Variants in JCAD observed in about 807,000 individuals in gnomAD.
JCAD encodes junctional cadherin 5 associated.
In JCAD, 40 loss-of-function variants were observed where a neutral mutation model predicts 98.0. That is an observed-to-expected ratio of 0.41 (90% CI 0.32 to 0.53). The LOEUF (loss-of-function observed/expected upper bound fraction) is 0.53. JCAD is among the 20% of genes least tolerant of loss of function. The pLI is 0.31. For synonymous variants in JCAD, 691 were observed against 682.3 expected, an observed-to-expected ratio of 1.01 and a Z score of -0.20; for missense variants, 1,705 against 1,738.1, an observed-to-expected ratio of 0.98 and a Z score of 0.34.
At chr10:30,081,066 C>T (rs1838075536) in intron 1 of JCAD, among the ~76,000 whole-genome samples, 1 of 152,120 alleles carries the variant, frequency 6.6e-6, no homozygotes, top group African/African-American at 2.4e-5. Context: ...TTTTCTCTGC[C>T]CCAAATCTCC....
rs1210377632 is a variant in JCAD, at chr10:30,029,769, T to TCTGGCTC, written c.372_378dup (p.Lys127GlufsTer77). 1 of 1,614,162 alleles carries TCTGGCTC rather than the reference T, an allele frequency of 6.2e-7. No individual in the cohort carries two copies. The highest frequency in any genetic ancestry group is 8.5e-7 in the Non-Finnish European group (1 of 1,180,064). On this transcript the variant is annotated frameshift_variant, in exon 3 of 4. Coordinates refer to ENST00000375377, the MANE Select transcript of JCAD (RefSeq NM_020848.4). LOFTEE classifies it high-confidence loss of function. ...TCCAGGTTTTCGTGCTCCCTCGGCT[T>TCTGGCTC]CTGGCTCCTGGCTTCTTGCCGTCCT...
intron 2 of JCAD, among the ~76,000 whole-genome samples, chr10:30,039,411 G>A (rs888355624): frequency 8.5e-5 from 13 of 152,234 alleles, no homozygotes; most frequent in African/African-American, 2.7e-4. Flanking sequence ...CAGCTGGACC[G>A]GCCTCGGCTT....
chr10:30,019,357 C>CAAAAAAA (rs58164754), intron 3 of JCAD, among the ~76,000 whole-genome samples: 63 of 100,220 alleles, frequency 6.3e-4, no homozygotes, highest in African/African-American at 8.5e-4. Flanking sequence ...AACTCTGTCT[C>CAAAAAAA]AAAAAAAAAA....
rs1186668957 is a variant in JCAD at position 30,016,559 on chromosome 10, T to C, written c.*1324A>G. The C allele has an allele frequency of 6.6e-6, 1 of 152,100 alleles. No homozygotes were observed. The highest frequency in any genetic ancestry group is 2.4e-5 in the African/African-American group (1 of 41,418). 9.4% of individuals were successfully genotyped at this position (152,100 alleles called of 1,614,324 possible). A position where few individuals can be genotyped will look rare whatever the true frequency, so the allele number is the denominator to read the frequency against. ...TAGAATACATAGGCCTCATAATGCT[T>C]TTGTAATGGCATATATATAATGTCC... On this transcript the variant is annotated 3_prime_UTR_variant, in exon 4 of 4. Transcript: ENST00000375377.
intron 1 of JCAD, among the ~76,000 whole-genome samples, chr10:30,097,390 A>T (rs1395208536): frequency 6.6e-6 from 1 of 152,152 alleles, no homozygotes; most frequent in Non-Finnish European, 1.5e-5. Flanking sequence ...TCTAAAGCTC[A>T]AAGGAAGCCA....
intron 1 of JCAD, among the ~76,000 whole-genome samples, chr10:30,102,714 T>C (rs1838492588): frequency 6.6e-6 from 1 of 152,238 alleles, no homozygotes; most frequent in South Asian, 2.1e-4. Flanking sequence ...GCCTGGCTTA[T>C]TGTATTAGTT....
chr10:30,114,515 A>G (rs2275714), intron 1 of JCAD, among the ~76,000 whole-genome samples: 237 of 151,828 alleles, frequency 1.6e-3, no homozygotes, highest in African/African-American at 5.6e-3. Flanking sequence ...TCCAGCCACA[A>G]TGAGATATAT....
At chr10:30,086,522 T>A (rs2132689594) in intron 1 of JCAD, among the ~76,000 whole-genome samples, 1 of 152,366 alleles carries the variant, frequency 6.6e-6, no homozygotes, top group South Asian at 2.1e-4. Flanking sequence ...TCTTCAGCAG[T>A]GAATTCAGCA....
rs1360862738 is a variant in JCAD, at chr10:30,092,122, ATAT to A, written n.129-22304_129-22302del. ...TTTATATATATATATATATATATAT[ATAT>A]AAAAAACATTTTAACTCTTTGCAAG... is the stretch of plus-strand genomic sequence containing the variant. On this transcript the variant is annotated intron_variant and non_coding_transcript_variant, in intron 1 of 2. Coordinates refer to the JCAD transcript ENST00000465712. 2.6e-5 allele frequency among the ~76,000 whole-genome samples: 3 copies of A among 114,792 alleles called. No individual in the cohort carries two copies. The East Asian group carries it at 7.3e-4, about 28-fold the overall frequency. The allele number at this position is 114,792 out of a possible 152,430, so 75.3% of individuals were successfully genotyped here.
At chr10:30,103,846 C>G (rs1838514656) in intron 1 of JCAD, among the ~76,000 whole-genome samples, 1 of 151,850 alleles carries the variant, frequency 6.6e-6, no homozygotes, top group Non-Finnish European at 1.5e-5. Context: ...ATTCTCCTAC[C>G]TCAGCCTCCC....
rs533396882 is a variant in JCAD at position 30,085,064 on chromosome 10, G to T, written n.129-15243C>A. Among the ~76,000 whole-genome samples the T allele has an allele frequency of 1.1e-4, 17 of 152,274 alleles. No individual in the cohort carries two copies. The South Asian group carries it at 2.7e-3, about 24-fold the overall frequency. ...AACAATCCTGATATGAGAGCAGTAG[G>T]TATCCTGATATTCATCAGTTTCTTT... On this transcript the variant is annotated intron_variant and non_coding_transcript_variant, in intron 1 of 2. Transcript: ENST00000465712.
chr10:30,079,184 T>G (rs1046126072), intron 1 of JCAD, among the ~76,000 whole-genome samples: 4 of 151,738 alleles, frequency 2.6e-5, no homozygotes, highest in Non-Finnish European at 5.9e-5. Flanking sequence ...CCGTCCCTAC[T>G]AAAAATACAA....
chr10:30,025,930 AT>A (rs1836781946), intron 3 of JCAD, 172 bp downstream of exon 3: 1 of 741,728 alleles, frequency 1.3e-6, no homozygotes, highest in Admixed American at 2.8e-5. Flanking sequence ...AATTTTAAAG[AT>A]GGCTTCTGGA....
intron 2 of JCAD, among the ~76,000 whole-genome samples, chr10:30,039,744 G>A (rs1422549342): frequency 6.6e-6 from 1 of 152,132 alleles, no homozygotes; most frequent in African/African-American, 2.4e-5. Context: ...ACGTTGCCAG[G>A]AGAGTGGTGA....
intron 2 of JCAD, among the ~76,000 whole-genome samples, chr10:30,037,019 A>G (rs1837126633): frequency 6.6e-6 from 1 of 152,226 alleles, no homozygotes; most frequent in African/African-American, 2.4e-5. Flanking sequence ...ATCCAGATAC[A>G]GAAACTGACC....
chr10:30,040,727 C>A (rs1187680682), intron 2 of JCAD, among the ~76,000 whole-genome samples: 2 of 152,200 alleles, frequency 1.3e-5, no homozygotes, highest in Non-Finnish European at 2.9e-5. Context: ...GGCCCCAGGC[C>A]CCATAGCTGC....
In JCAD at chr10:30,026,348, G is replaced by A. The variant is rs1439071639; in HGVS notation, c.3800C>T (p.Ser1267Leu). Residue 1267 changes from serine (S) to leucine (L), a missense_variant, in exon 3 of 4, where the codon TCA (serine) becomes TTA (leucine). Around this residue, in one of 3 missense-constraint regions of JCAD, gnomAD observed 1,278 missense variants for 1,243.1 expected, o/e 1.03. Transcript: ENST00000375377. ...DRLMRMKEVS[S>L]VSRMRVLSFR... Reference sequence around the variant, plus strand: ...GCTCAGGACTCTCATCCGTGACACTGAGCTCACCTCTTTCATTCTCATCAG... The same window carrying A: ...GCTCAGGACTCTCATCCGTGACACTAAGCTCACCTCTTTCATTCTCATCAG... The A allele has an allele frequency of 6.2e-7, 1 of 1,614,194 alleles. No individual in the cohort carries two copies. Among genetic ancestry groups the A allele is most frequent in the Admixed American group, 1.7e-5 (1 of 60,028 alleles).
chr10:30,073,345 A>G (rs1837927461), intron 1 of JCAD, among the ~76,000 whole-genome samples: 1 of 152,214 alleles, frequency 6.6e-6, no homozygotes, highest in South Asian at 2.1e-4. Flanking sequence ...ACCATTTAGT[A>G]CAGAGCCAAC....
In JCAD at chr10:30,047,644, G is replaced by A. The variant is rs746067055; in HGVS notation, c.169C>T (p.Arg57Cys). The A allele has an allele frequency of 2.4e-5, 38 of 1,614,072 alleles. No homozygotes were observed. The highest frequency in any genetic ancestry group is 9.3e-5 in the African/African-American group (7 of 74,934). ...TGTCCTTTCCCCGCGGACGTCTTAC[G>A]ATGTGCGAGGGCCGCAGGGCCATCC... The part of the protein sequence containing the change: ...HEDGPAALAH[R>C]KTSAGKGHVS... Residue 57 changes from arginine to cysteine, a missense_variant, in exon 2 of 4, where the codon CGT becomes TGT. Around this residue, in one of 3 missense-constraint regions of JCAD, gnomAD observed 152 missense variants for 148.0 expected, o/e 1.03. Coordinates refer to ENST00000375377, the MANE Select transcript of JCAD (RefSeq NM_020848.4).
Sources: allele counts gnomAD v4.1 joint callset (sites outside exome capture counted in the v4.1 genomes callset), GRCh38; gene constraint gnomAD v4.1.1; regional missense constraint gnomAD v4.1.1; transcripts MANE v1.5; gene names NCBI Gene and HGNC (gene_info 2026-07-23, HGNC 2026-07-21).